The following BSND variants were observed in gnomAD, a reference collection of about 807,000 sequenced individuals.
BSND encodes the protein barttin CLCNK type accessory subunit beta, also known as barttin.
In BSND, 13 loss-of-function variants were observed where a neutral mutation model predicts 18.8. The ratio of observed to expected loss-of-function variants is 0.69; its 90% CI spans 0.45 to 1.10. The LOEUF (loss-of-function observed/expected upper bound fraction) is 1.10. Among genes scored for constraint, BSND ranks in the 50% least tolerant of loss-of-function variants. The pLI is 0.00. For synonymous variants in BSND, 170 were observed against 161.8 expected (o/e 1.05, Z -0.39); for missense variants, 379 against 416.7 (o/e 0.91, Z 0.79).
Position 55,013,798 on chromosome 1 carries a change from C to T in BSND, c.*5170C>T, listed in dbSNP as rs1049073868. Among the ~76,000 whole-genome samples, 1 of 152,190 alleles carries T rather than the reference C, an allele frequency of 6.6e-6. No individual in the cohort carries two copies. Among genetic ancestry groups the T allele is most frequent in the African/African-American group, 2.4e-5 (1 of 41,448 alleles). On this transcript the variant is annotated 3_prime_UTR_variant, in exon 4 of 4. Transcript: ENST00000651561. ...GAGGCCCTTCATGATCTGGCCCCAA[C>T]TGCCCCATCCAGCTGAATCATCTGC...
At chr1:55,003,318 T>A (rs1644372965) in intron 1 of BSND, among the ~76,000 whole-genome samples, 1 of 152,160 alleles carries the variant, frequency 6.6e-6, no homozygotes, top group Non-Finnish European at 1.5e-5. Flanking sequence ...ACTCCTGGGA[T>A]CAACCAATCC....
chr1:55,014,252 T>A lies in BSND; in HGVS notation c.*5624T>A, dbSNP rs1226758847. On this transcript the variant is annotated 3_prime_UTR_variant, in exon 4 of 4. Coordinates refer to ENST00000651561, the MANE Select transcript of BSND (RefSeq NM_057176.3). Reference sequence around the variant, plus strand: ...AGGCTCATGGCCCAGGGGCATGGACTCCTAGCCCAGGGCTGAGGAGCACCA... The same window carrying A: ...AGGCTCATGGCCCAGGGGCATGGACACCTAGCCCAGGGCTGAGGAGCACCA... Among the ~76,000 whole-genome samples, 1 of 152,232 alleles carries A rather than the reference T, an allele frequency of 6.6e-6. No homozygotes were observed. Among genetic ancestry groups the A allele is most frequent in the Non-Finnish European group, 1.5e-5 (1 of 68,038 alleles).
chr1:55,008,360 G>A lies in BSND; in HGVS notation c.695G>A (p.Arg232Lys). 6.2e-7 allele frequency: 1 copy of A among 1,614,238 alleles called. No individual in the cohort carries two copies. The highest frequency in any genetic ancestry group is 2.2e-5 in the East Asian group (1 of 44,878). Residue 232 changes from arginine (R) to lysine (K), a missense_variant, in exon 4 of 4, where the codon AGG (arginine) becomes AAG (lysine). By Grantham distance (26) the Arg-to-Lys change is conservative. Transcript: ENST00000651561. Reference sequence around the variant, plus strand: ...CCACAACAGGAACCTCAGGGCTGCAGGTGCCCGCTGGACCGCTTCCAAGAC... The same window carrying A: ...CCACAACAGGAACCTCAGGGCTGCAAGTGCCCGCTGGACCGCTTCCAAGAC... Reference protein sequence around the residue: ...CSPQQEPQGCRCPLDRFQDFA... With the variant: ...CSPQQEPQGCKCPLDRFQDFA...
chr1:55,016,283 G>A lies in BSND; in HGVS notation c.*7655G>A, dbSNP rs1033297674. 6.6e-6 allele frequency among the ~76,000 whole-genome samples: 1 copy of A among 152,168 alleles called. No homozygotes were observed. Among genetic ancestry groups the A allele is most frequent in the Non-Finnish European group, 1.5e-5 (1 of 68,038 alleles). ...ACTAGAAATCAGACAGGAAAAGAAA[G>A]GGAATTCATCCACTGGAAATATCTG... On this transcript the variant is annotated 3_prime_UTR_variant, in exon 4 of 4. Coordinates refer to ENST00000651561, the MANE Select transcript of BSND (RefSeq NM_057176.3).
Position 55,008,357 on chromosome 1 carries a change from G to T in BSND, c.692G>T (p.Cys231Phe). ...TCCCCACAACAGGAACCTCAGGGCT[G>T]CAGGTGCCCGCTGGACCGCTTCCAA... Reference protein sequence around the residue: ...ACSPQQEPQGCRCPLDRFQDF... With the variant: ...ACSPQQEPQGFRCPLDRFQDF... Residue 231 changes from cysteine (C) to phenylalanine (F), a missense_variant, in exon 4 of 4, where the codon TGC (cysteine) becomes TTC (phenylalanine). By Grantham distance (205) the Cys-to-Phe change is radical. Transcript: ENST00000651561. The T allele has an allele frequency of 6.2e-7, 1 of 1,614,246 alleles. No homozygotes were observed. The highest frequency in any genetic ancestry group is 8.5e-7 in the Non-Finnish European group (1 of 1,180,046).
In BSND at chr1:54,999,045, G is replaced by A; in HGVS notation, c.-142G>A. ...CCCAGGGACTGGAGCGGGATTGAAAGGGATCTTGCTCTCCCTTGAAGCCTT... is the reference window on the plus strand; with the variant it reads ...CCCAGGGACTGGAGCGGGATTGAAAAGGATCTTGCTCTCCCTTGAAGCCTT... On this transcript the variant is annotated 5_prime_UTR_variant, in exon 1 of 4. Transcript: ENST00000651561. 5 of 1,023,514 alleles carry A rather than the reference G, an allele frequency of 4.9e-6. No homozygotes were observed. The highest frequency in any genetic ancestry group is 7.2e-6 in the Non-Finnish European group (5 of 694,520). The allele number at this position is 1,023,514 out of a possible 1,614,324, so 63.4% of individuals were successfully genotyped here. A position where few individuals can be genotyped will look rare whatever the true frequency, so the allele number is the denominator to read the frequency against.
At chr1:55,001,445 A>G (rs1163946004) in intron 1 of BSND, among the ~76,000 whole-genome samples, 1 of 152,092 alleles carries the variant, frequency 6.6e-6, no homozygotes, top group African/African-American at 2.4e-5. Context: ...CTTATAAACC[A>G]GGGAGACACT....
rs1351845057 is a variant in BSND, at chr1:55,009,980, G to C, written c.*1352G>C. The C allele has an allele frequency of 6.6e-6, 1 of 152,288 alleles. No individual in the cohort carries two copies. The highest frequency in any genetic ancestry group is 1.5e-5 in the Non-Finnish European group (1 of 68,088). 9.4% of individuals were successfully genotyped at this position (152,288 alleles called of 1,614,324 possible). A position where few individuals can be genotyped will look rare whatever the true frequency, so the allele number is the denominator to read the frequency against. On this transcript the variant is annotated 3_prime_UTR_variant, in exon 4 of 4. Transcript: ENST00000651561. Reference sequence around the variant, plus strand: ...AGCTTAAGCACAGGAGATGGAAGTTGCAGTGAGCCGAGATCGCACCACTGC... The same window carrying C: ...AGCTTAAGCACAGGAGATGGAAGTTCCAGTGAGCCGAGATCGCACCACTGC...
At chr1:55,007,356 G>T (rs1644396904) in intron 3 of BSND, 84 bp downstream of exon 3, 8 of 1,338,444 alleles carry the variant, frequency 6.0e-6, no homozygotes, top group East Asian at 2.6e-5. Flanking sequence ...CGAGGGGTGG[G>T]TGGGGACACT....
At position 55,008,642 on chromosome 1, in the gene BSND, C is replaced by A. The variant is rs187356092; in HGVS notation, c.*14C>A. 1 of 1,613,978 alleles carries A rather than the reference C, an allele frequency of 6.2e-7. No homozygotes were observed. Reference sequence around the variant, plus strand: ...ACCCAAGGCTGAGATGTTTGTGCTCCGTAGCTTCTAGTCTGGAACTGCTGC... The same window carrying A: ...ACCCAAGGCTGAGATGTTTGTGCTCAGTAGCTTCTAGTCTGGAACTGCTGC... On this transcript the variant is annotated 3_prime_UTR_variant, in exon 4 of 4. Coordinates refer to ENST00000651561, the MANE Select transcript of BSND (RefSeq NM_057176.3).
In BSND at chr1:55,012,160, G is replaced by A. The variant is rs1339457604; in HGVS notation, c.*3532G>A. Among the ~76,000 whole-genome samples the A allele has an allele frequency of 3.3e-5, 5 of 152,194 alleles. No individual in the cohort carries two copies. Among genetic ancestry groups the A allele is most frequent in the South Asian group, 2.1e-4 (1 of 4,824 alleles). ...AGGGGCAGGGAACCTGGGCTCTGCC[G>A]ACCGCTCGCCATGACCTTGGGTACA... On this transcript the variant is annotated 3_prime_UTR_variant, in exon 4 of 4. Transcript: ENST00000651561.
In BSND at chr1:55,015,555, G is replaced by A. The variant is rs1644445673; in HGVS notation, c.*6927G>A. ...GACACGGTGTGGTGGGTAGGTGGAT[G>A]AGACCAGGCTTTGGGGATCAGATCA... is the stretch of plus-strand genomic sequence containing the variant. On this transcript the variant is annotated 3_prime_UTR_variant, in exon 4 of 4. Transcript: ENST00000651561. 6.6e-6 allele frequency among the ~76,000 whole-genome samples: 1 copy of A among 152,278 alleles called. No individual in the cohort carries two copies. The highest frequency in any genetic ancestry group is 1.5e-5 in the Non-Finnish European group (1 of 68,044).
In BSND at chr1:54,999,126, G is replaced by A; in HGVS notation, c.-61G>A. 1 of 1,602,438 alleles carries A rather than the reference G, an allele frequency of 6.2e-7. No homozygotes were observed. Among genetic ancestry groups the A allele is most frequent in the Non-Finnish European group, 8.5e-7 (1 of 1,174,306 alleles). ...CTGTGTAAGCCTGTCTCGGTGTTTA[G>A]GCTGAACTACAGCCACCCCCTCTCC... is the stretch of plus-strand genomic sequence containing the variant. On this transcript the variant is annotated 5_prime_UTR_variant, in exon 1 of 4. Coordinates refer to ENST00000651561, the MANE Select transcript of BSND (RefSeq NM_057176.3).
intron 2 of BSND, among the ~76,000 whole-genome samples, chr1:55,005,606 G>T (rs1167918943): frequency 1.3e-5 from 2 of 152,182 alleles, no homozygotes; most frequent in Non-Finnish European, 2.9e-5. Context: ...GCTTCAGGGA[G>T]GGTTAAGTGA....
Position 55,010,610 on chromosome 1 carries a change from GC to G in BSND, c.*1986del. On this transcript the variant is annotated 3_prime_UTR_variant, in exon 4 of 4. Transcript: ENST00000651561. ...GGGGTCCTGGCCTAGGGAAGGAGAT[GC>G]CCCTGTGTGCTGGGTTACAAGGTCA... 6.6e-6 allele frequency: 1 copy of G among 152,416 alleles called. No homozygotes were observed. The highest frequency in any genetic ancestry group is 6.5e-5 in the Admixed American group (1 of 15,310). The allele number at this position is 152,416 out of a possible 1,614,324, so 9.4% of individuals were successfully genotyped here.
At position 55,015,981 on chromosome 1, in the gene BSND, G is replaced by A. The variant is rs1644448064; in HGVS notation, c.*7353G>A. On this transcript the variant is annotated 3_prime_UTR_variant, in exon 4 of 4. Coordinates refer to ENST00000651561, the MANE Select transcript of BSND (RefSeq NM_057176.3). ...CACCACGTTCCAGGATTGACCTGGGGTAGGTGTGAACTGAGCTTAGAATAG... is the reference window on the plus strand; with the variant it reads ...CACCACGTTCCAGGATTGACCTGGGATAGGTGTGAACTGAGCTTAGAATAG... Among the ~76,000 whole-genome samples, 1 of 152,242 alleles carries A rather than the reference G, an allele frequency of 6.6e-6. No homozygotes were observed. The highest frequency in any genetic ancestry group is 2.4e-5 in the African/African-American group (1 of 41,470).
rs1463448706 is a variant in BSND at position 54,999,244 on chromosome 1, G to T, written c.58G>T (p.Ala20Ser). The change falls in exon 1 of 4, where the codon GCC becomes TCC. Residue 20 changes from alanine to serine, a missense_variant. Physicochemically the swap from Ala to Ser is moderately conservative, Grantham distance 99 (BLOSUM62 1). Coordinates refer to ENST00000651561, the MANE Select transcript of BSND (RefSeq NM_057176.3). The part of the protein sequence containing the change: ...GFIVLGLFLL[A>S]LGTFLMSHDR... ...CATTGTGCTGGGGCTTTTCCTGCTGGCCCTCGGTACGTTCCTCATGAGCCA... is the reference window on the plus strand; with the variant it reads ...CATTGTGCTGGGGCTTTTCCTGCTGTCCCTCGGTACGTTCCTCATGAGCCA... 3 of 1,614,142 alleles carry T rather than the reference G, an allele frequency of 1.9e-6. No individual in the cohort carries two copies. The highest frequency in any genetic ancestry group is 1.7e-5 in the Admixed American group (1 of 60,030).
rs141403253 is a variant in BSND, at chr1:54,999,288, C to T, written c.102C>T (p.Tyr34=). The T allele has an allele frequency of 1.9e-4, 312 of 1,614,108 alleles. 1 individual carries two copies. Among genetic ancestry groups the T allele is most frequent in the South Asian group, 5.7e-4 (52 of 91,076 alleles). Residue 34 remains tyrosine (Y), a synonymous_variant, in exon 1 of 4, where the codon TAC becomes TAT. Transcript: ENST00000651561. ...FLMSHDRPQV[Y]GTFYAMGSVM... is the part of the protein sequence containing the mutation. ...TGAGCCATGATCGGCCCCAGGTCTA[C>T]GGCACCTTCTATGCCATGGGCAGCG...
intron 1 of BSND, among the ~76,000 whole-genome samples, chr1:55,001,716 C>A (rs1187464245): frequency 6.6e-6 from 1 of 152,048 alleles, no homozygotes; most frequent in Non-Finnish European, 1.5e-5. Context: ...GTGGGAGAGG[C>A]TATTTGCTGC....
Sources: gnomAD v4.1 joint callset for allele counts (sites outside exome capture counted in the v4.1 genomes callset) on GRCh38, gnomAD v4.1.1 for gene constraint, MANE v1.5 for transcripts, NCBI Gene and HGNC (gene_info 2026-07-23, HGNC 2026-07-21) for gene names.